The following LNX2 variants were observed in gnomAD, a reference collection of about 807,000 sequenced individuals.
LNX2 encodes ligand of numb-protein X 2, also known as ligand of Numb protein X 2.
In LNX2, 35 loss-of-function variants were observed where a neutral mutation model predicts 66.2. The ratio of observed to expected loss-of-function variants is 0.53; its 90% confidence interval spans 0.40 to 0.70. The LOEUF (loss-of-function observed/expected upper bound fraction) is 0.70. Among genes scored for constraint, LNX2 ranks in the 30% least tolerant of loss-of-function variants. The pLI is 0.00. For synonymous variants in LNX2, 337 were observed against 315.6 expected, an observed-to-expected ratio of 1.07 and a Z score of -0.72; for missense variants, 791 against 850.8, an observed-to-expected ratio of 0.93 and a Z score of 0.87.
intron 1 of LNX2, among the ~76,000 whole-genome samples, chr13:27,586,048 ATATACT>A (rs1303672681): frequency 2.0e-4 from 30 of 147,886 alleles, no homozygotes; most frequent in Admixed American, 1.0e-3. Flanking sequence ...TTATATATAC[ATATACT>A]TATATATATA....
chr13:27,556,550 T>A, intron 6 of LNX2, 137 bp from the exon 7 acceptor site: 1 of 742,720 alleles, frequency 1.3e-6, no homozygotes, highest in East Asian at 2.7e-5. Flanking sequence ...CAAATGAAAG[T>A]AATACACAGT....
intron 8 of LNX2, among the ~76,000 whole-genome samples, chr13:27,552,950 C>A (rs1955021964): frequency 6.6e-6 from 1 of 152,136 alleles, no homozygotes; most frequent in Non-Finnish European, 1.5e-5. Flanking sequence ...AAGCAAGAGG[C>A]TGGGTTATCC....
chr13:27,616,030 G>T (rs1458658011), intron 1 of LNX2, among the ~76,000 whole-genome samples: 1 of 152,120 alleles, frequency 6.6e-6, no homozygotes, highest in Non-Finnish European at 1.5e-5. Context: ...CAGCCTTCAG[G>T]AGGTCCTAAG....
rs1440031921 is a variant in LNX2 at position 27,581,662 on chromosome 13, G to A, written c.42C>T (p.Thr14=). 6.2e-7 allele frequency: 1 copy of A among 1,613,044 alleles called. No individual in the cohort carries two copies. The highest frequency in any genetic ancestry group is 8.5e-7 in the Non-Finnish European group (1 of 1,179,588). ...ACAGGGGGTTTAGAGAAGAGGAGGA[G>A]GTCTGTTCCACAGACACCATCTCAT... ...TSDEMVSVEQ[T]SSSSLNPLCF... Residue 14 remains threonine (T), a synonymous_variant, in exon 2 of 10, where the codon ACC becomes ACT. Coordinates refer to ENST00000316334, the MANE Select transcript of LNX2 (RefSeq NM_153371.4).
chr13:27,562,849 GT>G, intron 4 of LNX2, 68 bp from the exon 5 acceptor site: 1 of 1,505,518 alleles, frequency 6.6e-7, no homozygotes, highest in South Asian at 1.3e-5. Flanking sequence ...GAATGTTTAT[GT>G]GACATTTCCA....
intron 1 of LNX2, among the ~76,000 whole-genome samples, chr13:27,604,965 T>C (rs900676977): frequency 5.9e-5 from 9 of 151,774 alleles, no homozygotes; most frequent in African/African-American, 2.2e-4. Context: ...CACAGAACCA[T>C]GTAGGTAAAT....
At chr13:27,599,636 G>A (rs1269497728) in intron 1 of LNX2, among the ~76,000 whole-genome samples, 1 of 152,168 alleles carries the variant, frequency 6.6e-6, no homozygotes, top group African/African-American at 2.4e-5. Context: ...GTTAGGAATA[G>A]ACAATATAAA....
At chr13:27,562,068 C>G (rs2138340452) in intron 5 of LNX2, among the ~76,000 whole-genome samples, 1 of 152,276 alleles carries the variant, frequency 6.6e-6, no homozygotes, top group South Asian at 2.1e-4. Context: ...GTAATCACAG[C>G]TCTTTTGAGC....
At chr13:27,574,442 T>TAGA (rs71083676) in intron 2 of LNX2, among the ~76,000 whole-genome samples, 86,881 of 151,330 alleles carry the variant, frequency 0.57, 25,418 homozygotes, top group African/African-American at 0.68. Flanking sequence ...AAGAATTCAC[T>TAGA]AGTTCAACAG....
intron 1 of LNX2, among the ~76,000 whole-genome samples, chr13:27,587,848 C>T (rs546461341): frequency 1.6e-4 from 24 of 152,020 alleles, no homozygotes; most frequent in African/African-American, 5.8e-4. Context: ...AGTGAAACCC[C>T]ATCTCTACTA....
intron 1 of LNX2, among the ~76,000 whole-genome samples, chr13:27,582,752 G>A (rs1039881342): frequency 1.3e-5 from 2 of 152,210 alleles, no homozygotes; most frequent in Middle Eastern, 3.4e-3. Context: ...GGGATGGGGG[G>A]CTAGGGGAGG....
chr13:27,580,051 G>GT (rs373688452), intron 2 of LNX2, among the ~76,000 whole-genome samples: 1 of 151,860 alleles, frequency 6.6e-6, no homozygotes, highest in East Asian at 1.9e-4. Context: ...TAACATCTTT[G>GT]TTTTTTTCAT....
chr13:27,606,868 A>C lies in LNX2; in HGVS notation c.-101+13507T>G, dbSNP rs150443866. On this transcript the variant is annotated intron_variant, in intron 1 of 9. Transcript: ENST00000316334. The stretch of plus-strand genomic sequence containing the variant: ...GAGAAAGCAGTCAAGATTGGTTCTT[A>C]TATACATGATTAAAAAGCAAAGTAC... Among the ~76,000 whole-genome samples, 481 of 152,356 alleles carry C rather than the reference A, an allele frequency of 3.2e-3. 2 individuals carry two copies. The highest frequency in any genetic ancestry group is 0.011 in the African/African-American group (458 of 41,582).
At chr13:27,565,506 G>C (rs773177251) in intron 4 of LNX2, among the ~76,000 whole-genome samples, 1 of 152,140 alleles carries the variant, frequency 6.6e-6, no homozygotes, top group Non-Finnish European at 1.5e-5. Flanking sequence ...GTCGCTCTCT[G>C]CAAAATCAAG....
At chr13:27,575,978 C>G (rs1955336546) in intron 2 of LNX2, among the ~76,000 whole-genome samples, 2 of 152,132 alleles carry the variant, frequency 1.3e-5, no homozygotes, top group East Asian at 3.9e-4. Context: ...TAAAGCCTAC[C>G]TTATCAGTAA....
rs552567831 is a variant in LNX2 at position 27,552,239 on chromosome 13, C to T, written c.1778+969G>A. Among the ~76,000 whole-genome samples the T allele has an allele frequency of 1.4e-4, 22 of 152,342 alleles. No homozygotes were observed. In the South Asian group the frequency reaches 2.1e-3, roughly 14 times the overall value. On this transcript the variant is annotated intron_variant, in intron 8 of 9. Coordinates refer to ENST00000316334, the MANE Select transcript of LNX2 (RefSeq NM_153371.4). ...CACTAGGGACCAAGTTTCTCCAGGA[C>T]GCTGCTGCTCTCTGCCTGCCCCATC...
intron 2 of LNX2, among the ~76,000 whole-genome samples, chr13:27,574,553 C>G (rs776589715): frequency 1.3e-4 from 20 of 151,878 alleles, no homozygotes; most frequent in Non-Finnish European, 2.6e-4. Context: ...AGAACACAGC[C>G]TCATGGTCTT....
chr13:27,613,717 G>A (rs554165813), intron 1 of LNX2, among the ~76,000 whole-genome samples: 3 of 152,224 alleles, frequency 2.0e-5, no homozygotes, highest in South Asian at 4.1e-4. Flanking sequence ...GCCATGAGCC[G>A]AGACTGTGCC....
chr13:27,620,872 T>C (rs1215889517), upstream of LNX2: 1 of 141,402 alleles, frequency 7.1e-6, no homozygotes, highest in African/African-American at 2.5e-5. Flanking sequence ...GTGGCACAGC[T>C]GGGGAAGGAG....
Sources: gnomAD v4.1 joint callset for allele counts (sites outside exome capture counted in the v4.1 genomes callset) on GRCh38, gnomAD v4.1.1 for gene constraint, MANE v1.5 for transcripts, NCBI Gene and HGNC (gene_info 2026-07-23, HGNC 2026-07-21) for gene names.